Variants in SLAMF6 observed in about 807,000 individuals in gnomAD.
SLAMF6 encodes the protein NK-T-B-antigen.
In SLAMF6, 21 loss-of-function variants were observed where a neutral mutation model predicts 38.3. The ratio of observed to expected loss-of-function variants is 0.55; its 90% CI spans 0.39 to 0.79. SLAMF6 has a LOEUF of 0.79. Ranked by LOEUF, SLAMF6 falls within the 30% of genes least tolerant of loss-of-function variation. SLAMF6 has a pLI of 0.00. For synonymous variants in SLAMF6, 152 were observed against 146.3 expected (o/e 1.04, Z -0.28); for missense variants, 341 against 385.3 (o/e 0.89, Z 0.96).
At chr1:160,516,139 A>C (rs1204840038) in intron 1 of SLAMF6, among the ~76,000 whole-genome samples, 1 of 152,212 alleles carries the variant, frequency 6.6e-6, no homozygotes, top group Admixed American at 6.5e-5. Flanking sequence ...TTAAGCTCAC[A>C]TGCAACTTCA....
Position 160,489,047 on chromosome 1 carries a change from T to C in SLAMF6, c.879+41A>G, listed in dbSNP as rs369134226. The C allele has an allele frequency of 9.0e-6, 14 of 1,551,414 alleles. No homozygotes were observed. The Middle Eastern group carries it at 5.0e-4, about 56-fold the overall frequency. ...GTGACAAGTTTGTGAACAATGGCTG[T>C]AAAACTGACAACAATGGCATATAAA... is the stretch of plus-strand genomic sequence containing the variant. On this transcript the variant is annotated intron_variant, in intron 6 of 7. Coordinates refer to ENST00000368057, the MANE Select transcript of SLAMF6 (RefSeq NM_001184714.2).
rs191456112 is a variant in SLAMF6 at position 160,505,055 on chromosome 1, C to A, written c.50-8662G>T. Among the ~76,000 whole-genome samples the A allele has an allele frequency of 6.6e-5, 10 of 152,276 alleles. No homozygotes were observed. In the East Asian group the frequency reaches 1.3e-3, roughly 21 times the overall value. ...TATTTATTTATTTGTTTGTTTATTC[C>A]TTCTGGTGTTCAAAGAAATATCTGT... On this transcript the variant is annotated intron_variant, in intron 1 of 7. Coordinates refer to ENST00000368057, the MANE Select transcript of SLAMF6 (RefSeq NM_001184714.2).
intron 6 of SLAMF6, among the ~76,000 whole-genome samples, chr1:160,488,753 G>A (rs1196399139): frequency 1.3e-5 from 2 of 152,170 alleles, no homozygotes; most frequent in Admixed American, 6.6e-5. Flanking sequence ...CATTCAGCAA[G>A]TATTTACTGA....
chr1:160,508,203 C>A (rs1654288857), intron 1 of SLAMF6, among the ~76,000 whole-genome samples: 1 of 152,156 alleles, frequency 6.6e-6, no homozygotes, highest in Admixed American at 6.5e-5. Flanking sequence ...ATTGCCAAGA[C>A]AATCCTAAGC....
At chr1:160,515,496 A>G (rs1304535386) in intron 1 of SLAMF6, among the ~76,000 whole-genome samples, 8 of 152,240 alleles carry the variant, frequency 5.3e-5, no homozygotes, top group African/African-American at 1.4e-4. Flanking sequence ...ACCCTTCCCT[A>G]ATTCATTTTA....
chr1:160,509,354 G>A (rs1654353919), intron 1 of SLAMF6, among the ~76,000 whole-genome samples: 1 of 152,148 alleles, frequency 6.6e-6, no homozygotes, highest in African/African-American at 2.4e-5. Flanking sequence ...GTCCTTTGTA[G>A]GGACATGGAT....
At position 160,487,171 on chromosome 1, in the gene SLAMF6, G is replaced by C; in HGVS notation, c.884C>G (p.Thr295Arg). The C allele has an allele frequency of 6.2e-7, 1 of 1,612,680 alleles. No homozygotes were observed. Among genetic ancestry groups the C allele is most frequent in the East Asian group, 2.2e-5 (1 of 44,814 alleles). Residue 295 changes from threonine to arginine, a missense_variant, in exon 7 of 8, where the codon ACA (threonine) becomes AGA (arginine). Coordinates refer to ENST00000368057, the MANE Select transcript of SLAMF6 (RefSeq NM_001184714.2). ...ATTTTCTCTAGGTGTCCAGATTTCT[G>C]TTTCCTGTAAAAAGAATCATACCAA... The part of the protein sequence containing the change: ...YASVTHSNRE[T>R]EIWTPRENDT...
At chr1:160,504,873 C>T (rs1180308889) in intron 1 of SLAMF6, among the ~76,000 whole-genome samples, 2 of 152,118 alleles carry the variant, frequency 1.3e-5, no homozygotes, top group East Asian at 3.9e-4. Flanking sequence ...AGGGTGCATA[C>T]TTAGAAAAGT....
At chr1:160,507,908 T>C (rs752795142) in intron 1 of SLAMF6, among the ~76,000 whole-genome samples, 1 of 151,954 alleles carries the variant, frequency 6.6e-6, no homozygotes, top group Non-Finnish European at 1.5e-5. Flanking sequence ...GATATTTTTA[T>C]CCCTCTGAAA....
At chr1:160,490,528 T>C in intron 4 of SLAMF6, 47 bp downstream of exon 4, 1 of 1,595,590 alleles carries the variant, frequency 6.3e-7, no homozygotes, top group Non-Finnish European at 8.5e-7. Context: ...AAACTCTCAA[T>C]CACTGGAACC....
intron 1 of SLAMF6, among the ~76,000 whole-genome samples, chr1:160,506,183 A>G (rs1177673539): frequency 6.6e-6 from 1 of 152,190 alleles, no homozygotes; most frequent in Non-Finnish European, 1.5e-5. Flanking sequence ...AACTCCAAGA[A>G]GAATGATCAC....
At chr1:160,508,654 C>G (rs1272097585) in intron 1 of SLAMF6, among the ~76,000 whole-genome samples, 1 of 152,116 alleles carries the variant, frequency 6.6e-6, no homozygotes, top group Admixed American at 6.5e-5. Context: ...CCAAAATAGA[C>G]AAATGGGATC....
intron 2 of SLAMF6, among the ~76,000 whole-genome samples, chr1:160,495,730 A>G (rs1653539277): frequency 6.6e-6 from 1 of 152,194 alleles, no homozygotes; most frequent in Admixed American, 6.5e-5. Context: ...TACCTCATGG[A>G]GTCTTTGTGA....
chr1:160,498,480 G>A (rs940888366), intron 1 of SLAMF6, among the ~76,000 whole-genome samples: 1 of 152,152 alleles, frequency 6.6e-6, no homozygotes, highest in Non-Finnish European at 1.5e-5. Context: ...GCAAAGTCAC[G>A]TCTTACATGG....
intron 1 of SLAMF6, among the ~76,000 whole-genome samples, chr1:160,502,076 G>A (rs570284251): frequency 6.6e-6 from 1 of 152,298 alleles, no homozygotes; most frequent in South Asian, 2.1e-4. Flanking sequence ...TTGTGGTGTG[G>A]CCCAGAGGGC....
chr1:160,488,654 C>G (rs1653099429), intron 6 of SLAMF6, among the ~76,000 whole-genome samples: 1 of 152,142 alleles, frequency 6.6e-6, no homozygotes, highest in African/African-American at 2.4e-5. Context: ...CTGAACTCCC[C>G]TAAGACCCCT....
chr1:160,490,748 C>G (rs1032107583), intron 3 of SLAMF6, 63 bp from the exon 4 acceptor site: 2 of 1,581,642 alleles, frequency 1.3e-6, no homozygotes, highest in Non-Finnish European at 8.6e-7. Context: ...GTTCTTGGAG[C>G]CTCCGTGGAG....
intron 1 of SLAMF6, among the ~76,000 whole-genome samples, chr1:160,515,126 G>C (rs1422258872): frequency 6.6e-6 from 1 of 151,978 alleles, no homozygotes; most frequent in Non-Finnish European, 1.5e-5. Context: ...GACTAACAAA[G>C]AAGAAAAGAG....
At chr1:160,489,243 A>G (rs1653137895) in intron 5 of SLAMF6, 73 bp from the exon 6 acceptor site, 18 of 1,442,250 alleles carry the variant, frequency 1.2e-5, no homozygotes, top group Non-Finnish European at 1.8e-5. Flanking sequence ...CTCCCTCCCC[A>G]GAGCACACTG....
Sources: allele counts gnomAD v4.1 joint callset (sites outside exome capture counted in the v4.1 genomes callset), GRCh38; gene constraint gnomAD v4.1.1; transcripts MANE v1.5; gene names NCBI Gene and HGNC (gene_info 2026-07-23, HGNC 2026-07-21).